Variants in GALK2 observed in about 807,000 individuals in gnomAD.
GALK2 encodes galactokinase 2.
GALK2 carries 36 observed loss-of-function variants against 52.4 expected under a neutral mutation model. That is an observed-to-expected ratio of 0.69 (90% confidence interval 0.53 to 0.91). The LOEUF (loss-of-function observed/expected upper bound fraction) is 0.91. Ranked by LOEUF, GALK2 falls within the 40% of genes least tolerant of loss-of-function variation. The probability of loss-of-function intolerance (pLI) is 0.00; values close to 1 mark genes in which losing one functional copy is unlikely to be tolerated. For synonymous variants in GALK2, 176 were observed against 199.1 expected (o/e 0.88, Z 0.98); for missense variants, 579 against 559.1 (o/e 1.04, Z -0.36).
chr15:49,203,262 G>C (rs2087952358), intron 2 of GALK2, among the ~76,000 whole-genome samples: 1 of 152,034 alleles, frequency 6.6e-6, no homozygotes, highest in Non-Finnish European at 1.5e-5. Context: ...TGTTGGCCAG[G>C]ATGGTCTTGA....
intron 1 of GALK2, among the ~76,000 whole-genome samples, chr15:49,173,249 A>T (rs1254122690): frequency 1.3e-5 from 2 of 152,156 alleles, no homozygotes; most frequent in African/African-American, 4.8e-5. Context: ...GTATCAGTAT[A>T]TCATTCCTTT....
chr15:49,343,535 C>G (rs1036984238), intron 3 of GALK2: 1 of 152,118 alleles, frequency 6.6e-6, no homozygotes, highest in Non-Finnish European at 1.5e-5. Flanking sequence ...TAGCTCTACC[C>G]AATACGATTT....
chr15:49,299,763 CTTTCTTTCTTT>C (rs2034900643), intron 8 of GALK2, among the ~76,000 whole-genome samples: 1 of 112,788 alleles, frequency 8.9e-6, no homozygotes, highest in African/African-American at 3.4e-5. Context: ...TTCTTTCTTT[CTTTCTTTCTTT>C]CTTTCTTTCT....
intron 3 of GALK2, among the ~76,000 whole-genome samples, chr15:49,345,519 A>G (rs1021549685): frequency 2.0e-5 from 3 of 152,234 alleles, no homozygotes; most frequent in Non-Finnish European, 2.9e-5. Flanking sequence ...CGAATTAGAT[A>G]AAACAGAATA....
At chr15:49,340,112 CCAGGGGAGTGAACTGTT>C (rs1438136062) in intron 3 of GALK2, among the ~76,000 whole-genome samples, 1 of 152,174 alleles carries the variant, frequency 6.6e-6, no homozygotes, top group Non-Finnish European at 1.5e-5. Context: ...TGCCCCCTTT[CCAGGGGAGTGAACTGTT>C]CTGTCTCACT....
At chr15:49,258,140 A>G (rs2091892730) in intron 5 of GALK2, among the ~76,000 whole-genome samples, 1 of 152,094 alleles carries the variant, frequency 6.6e-6, no homozygotes, top group Non-Finnish European at 1.5e-5. Context: ...ACAATTTTTA[A>G]TAACATATCT....
At chr15:49,298,506 G>A (rs963492465) in intron 8 of GALK2, among the ~76,000 whole-genome samples, 1 of 152,124 alleles carries the variant, frequency 6.6e-6, no homozygotes. Flanking sequence ...TCAGGGGAAT[G>A]CCTCTAGCTT....
At chr15:49,281,449 T>G (rs1368361305) in intron 5 of GALK2, among the ~76,000 whole-genome samples, 1 of 152,228 alleles carries the variant, frequency 6.6e-6, no homozygotes, top group East Asian at 1.9e-4. Context: ...TCAGTTTGGG[T>G]TAGAACATCT....
At chr15:49,333,792 A>C (rs2039232738), downstream of GALK2, among the ~76,000 whole-genome samples, 5 of 152,196 alleles carry the variant, frequency 3.3e-5, no homozygotes, top group South Asian at 1.0e-3. Flanking sequence ...GAAGTAGGTT[A>C]ATCTCAATAC....
intron 2 of GALK2, among the ~76,000 whole-genome samples, chr15:49,214,496 AT>A (rs35538212): frequency 0.53 from 68,932 of 129,750 alleles, 18,047 homozygotes; most frequent in African/African-American, 0.67. Context: ...ACACCCGGCT[AT>A]TTTTTTTTTT....
At chr15:49,318,109 A>T (rs1342421846) in intron 8 of GALK2, 2 of 152,162 alleles carry the variant, frequency 1.3e-5, no homozygotes, top group Admixed American at 6.5e-5. Context: ...TCTTTCCCCT[A>T]GGCCTGGGAA....
chr15:49,177,460 A>G (rs957636903), intron 1 of GALK2: 2 of 155,030 alleles, frequency 1.3e-5, no homozygotes, highest in African/African-American at 4.8e-5. Context: ...TTCAAACATT[A>G]TTGCACTTTA....
intron 1 of GALK2, chr15:49,185,696 T>C (rs530463209): frequency 1.3e-5 from 2 of 152,374 alleles, no homozygotes; most frequent in African/African-American, 4.8e-5. Flanking sequence ...ATTGTGGTTT[T>C]GGTTTTGATT....
At chr15:49,258,433 G>A (rs2091910263) in intron 5 of GALK2, among the ~76,000 whole-genome samples, 1 of 152,052 alleles carries the variant, frequency 6.6e-6, no homozygotes, top group African/African-American at 2.4e-5. Flanking sequence ...TGAAGGAATG[G>A]TGGATATAAA....
chr15:49,316,451 A>G (rs372792218), intron 8 of GALK2, among the ~76,000 whole-genome samples: 1 of 128,866 alleles, frequency 7.8e-6, no homozygotes, highest in African/African-American at 2.9e-5. Flanking sequence ...AACATCACAC[A>G]TGGGGGCCTG....
chr15:49,281,867 T>C, intron 5 of GALK2, 120 bp from the exon 6 acceptor site: 1 of 643,558 alleles, frequency 1.6e-6, no homozygotes, highest in South Asian at 2.1e-5. Flanking sequence ...CCAGGCAGGC[T>C]ACTATTAGTT....
At chr15:49,341,964 T>C (rs2040798946) in intron 3 of GALK2, among the ~76,000 whole-genome samples, 1 of 152,230 alleles carries the variant, frequency 6.6e-6, no homozygotes, top group Non-Finnish European at 1.5e-5. Context: ...GTGGTTAATA[T>C]TAGAGCATGT....
intron 8 of GALK2, among the ~76,000 whole-genome samples, chr15:49,305,660 C>G (rs1244747003): frequency 1.3e-5 from 2 of 152,022 alleles, no homozygotes; most frequent in African/African-American, 4.8e-5. Context: ...CAAGAAATAG[C>G]AAGATACATG....
intron 5 of GALK2, among the ~76,000 whole-genome samples, chr15:49,280,031 T>C (rs2032459562): frequency 1.3e-5 from 2 of 152,206 alleles, no homozygotes; most frequent in South Asian, 4.1e-4. Flanking sequence ...TTCTCAGAAA[T>C]TGAAAGCAGC....
Sources: allele counts gnomAD v4.1 joint callset (sites outside exome capture counted in the v4.1 genomes callset), GRCh38; gene constraint gnomAD v4.1.1; transcripts MANE v1.5; gene names NCBI Gene and HGNC (gene_info 2026-07-23, HGNC 2026-07-21).